Variants in ACER3 observed in about 807,000 individuals in gnomAD.
The protein encoded by ACER3 is alkaline ceramidase 3.
Under a neutral mutation model 48.9 loss-of-function variants are expected in ACER3, and 16 were observed. That is an observed-to-expected ratio of 0.33 (90% CI 0.22 to 0.50). The LOEUF (loss-of-function observed/expected upper bound fraction) is 0.50, where lower values mean the gene tolerates loss of function less well. Among genes scored for constraint, ACER3 ranks in the 20% least tolerant of loss-of-function variants. The pLI is 0.98. For missense variants in ACER3, 227 were observed against 326.0 expected (o/e 0.70, Z 2.34); for synonymous variants, 109 against 107.8 (o/e 1.01, Z -0.07).
chr11:76,937,764 T>C (rs1270286308), intron 2 of ACER3, among the ~76,000 whole-genome samples: 1 of 152,178 alleles, frequency 6.6e-6, no homozygotes, highest in African/African-American at 2.4e-5. Flanking sequence ...TGAGTATGTA[T>C]GTTTGTATTT....
intron 2 of ACER3, among the ~76,000 whole-genome samples, chr11:76,938,003 G>C (rs1947240860): frequency 6.6e-6 from 1 of 151,882 alleles, no homozygotes; most frequent in South Asian, 2.1e-4. Flanking sequence ...TTGTTTTTTG[G>C]GGTTGTTTGT....
chr11:76,873,147 T>C (rs1440286203), intron 1 of ACER3, among the ~76,000 whole-genome samples: 2 of 152,006 alleles, frequency 1.3e-5, no homozygotes, highest in Non-Finnish European at 2.9e-5. Context: ...CTCGAACTCC[T>C]GGCCTCAAGC....
At position 77,021,254 on chromosome 11, in the gene ACER3, T is replaced by G. The variant is rs1038288462; in HGVS notation, c.*927T>G. On this transcript the variant is annotated 3_prime_UTR_variant, in exon 11 of 11. Transcript: ENST00000532485. ...CAGTATTTTCCAGTTCTCAGAGAGG[T>G]CATGGTTGTGCCCAGGGAAGTGTGT... The G allele has an allele frequency of 1.3e-5, 2 of 152,206 alleles. No individual in the cohort carries two copies. Among genetic ancestry groups the G allele is most frequent in the Non-Finnish European group, 1.5e-5 (1 of 68,046 alleles). 9.4% of individuals were successfully genotyped at this position (152,206 alleles called of 1,614,324 possible).
intron 1 of ACER3, among the ~76,000 whole-genome samples, chr11:76,909,105 T>C (rs1946306265): frequency 6.6e-6 from 1 of 152,174 alleles, no homozygotes; most frequent in South Asian, 2.1e-4. Context: ...TCCTTACACC[T>C]TGTACAAAAA....
chr11:76,982,932 A>G (rs1458557214), intron 4 of ACER3, among the ~76,000 whole-genome samples: 1 of 152,070 alleles, frequency 6.6e-6, no homozygotes, highest in Non-Finnish European at 1.5e-5. Flanking sequence ...TTTTTTCTCA[A>G]TTCTGTTTTA....
intron 1 of ACER3, chr11:76,868,291 A>G (rs996904986): frequency 2.2e-5 from 28 of 1,275,308 alleles, no homozygotes; most frequent in Non-Finnish European, 2.8e-5. Flanking sequence ...CCTCCAAATT[A>G]TAACTCAAAA....
At chr11:76,891,188 A>C (rs1945794715) in intron 1 of ACER3, among the ~76,000 whole-genome samples, 1 of 151,234 alleles carries the variant, frequency 6.6e-6, no homozygotes, top group South Asian at 2.1e-4. Context: ...TATAGAATAC[A>C]AATGAATGAA....
At chr11:76,958,872 C>A in intron 2 of ACER3, 107 bp from the exon 3 acceptor site, 1 of 1,270,186 alleles carries the variant, frequency 7.9e-7, no homozygotes, top group Non-Finnish European at 1.1e-6. Flanking sequence ...ATTTTATAAA[C>A]TTCATTATCC....
At chr11:76,933,352 G>C (rs1590952025) in intron 2 of ACER3, among the ~76,000 whole-genome samples, 4 of 145,302 alleles carry the variant, frequency 2.8e-5, no homozygotes, top group Admixed American at 2.7e-4. Context: ...CAAGGTCATA[G>C]GACAATAGTG....
intron 2 of ACER3, among the ~76,000 whole-genome samples, chr11:76,932,146 C>T (rs1041748206): frequency 2.6e-5 from 4 of 152,088 alleles, no homozygotes; most frequent in African/African-American, 4.8e-5. Flanking sequence ...GACAGGATTT[C>T]GCCATGTTGC....
At chr11:76,991,398 A>C (rs1423966789) in intron 6 of ACER3, among the ~76,000 whole-genome samples, 1 of 152,242 alleles carries the variant, frequency 6.6e-6, no homozygotes, top group Non-Finnish European at 1.5e-5. Context: ...TTTACAATTC[A>C]AGCTATACAA....
intron 1 of ACER3, among the ~76,000 whole-genome samples, chr11:76,884,586 T>C (rs185587271): frequency 2.0e-5 from 3 of 152,314 alleles, no homozygotes; most frequent in African/African-American, 7.2e-5. Flanking sequence ...TTGCTTCATC[T>C]ATTAAACATT....
At chr11:76,973,614 G>A (rs80194848) in intron 3 of ACER3, among the ~76,000 whole-genome samples, 7,893 of 152,210 alleles carry the variant, frequency 0.052, 658 homozygotes, top group African/African-American at 0.18. Context: ...TACAGATGCC[G>A]AGTTCTAGCA....
chr11:76,881,232 A>G (rs962532922), intron 1 of ACER3, among the ~76,000 whole-genome samples: 1 of 148,314 alleles, frequency 6.7e-6, no homozygotes, highest in Admixed American at 6.8e-5. Flanking sequence ...TCCGGCCTGG[A>G]TGACAGAGTA....
chr11:76,920,141 C>G lies in ACER3; in HGVS notation c.104-6416C>G, dbSNP rs561898836. ...GCGCCAGCTCTTGCAGTCCAAGTGG[C>G]TTAATAGCTTCTGGCTCCTACAGTG... On this transcript the variant is annotated intron_variant, in intron 1 of 10. Transcript: ENST00000532485. Among the ~76,000 whole-genome samples, 111 of 152,294 alleles carry G rather than the reference C, an allele frequency of 7.3e-4. 1 individual carries two copies. The highest frequency in any genetic ancestry group is 2.6e-3 in the African/African-American group (107 of 41,554).
chr11:76,894,330 C>A (rs989649952), intron 1 of ACER3, among the ~76,000 whole-genome samples: 17 of 152,152 alleles, frequency 1.1e-4, no homozygotes, highest in Non-Finnish European at 2.1e-4. Context: ...TAGATAAATG[C>A]AGATACCATT....
intron 2 of ACER3, among the ~76,000 whole-genome samples, chr11:76,936,276 TG>T (rs1565187595): frequency 6.6e-6 from 1 of 152,164 alleles, no homozygotes; most frequent in Non-Finnish European, 1.5e-5. Flanking sequence ...AAACCTATAT[TG>T]GGGTTTAGTA....
At position 77,025,962 on chromosome 11, in the gene ACER3, A is replaced by G. The variant is rs1008858308; in HGVS notation, c.*5635A>G. 1 of 152,220 alleles carries G rather than the reference A, an allele frequency of 6.6e-6. No individual in the cohort carries two copies. Among genetic ancestry groups the G allele is most frequent in the African/African-American group, 2.4e-5 (1 of 41,456 alleles). 9.4% of individuals were successfully genotyped at this position (152,220 alleles called of 1,614,324 possible). A position where few individuals can be genotyped will look rare whatever the true frequency, so the allele number is the denominator to read the frequency against. On this transcript the variant is annotated 3_prime_UTR_variant, in exon 11 of 11. Transcript: ENST00000532485. ...ATCTCATGTCTTTGAATGTAATCAC[A>G]TGATTTGTATTTAATATTTACATGA...
chr11:76,926,743 T>G, intron 2 of ACER3, 76 bp downstream of exon 2: 1 of 983,560 alleles, frequency 1.0e-6, no homozygotes, highest in South Asian at 1.7e-5. Flanking sequence ...CTAAAAGCGG[T>G]TTTCAATTTT....
Sources: allele counts gnomAD v4.1 joint callset (sites outside exome capture counted in the v4.1 genomes callset), GRCh38; gene constraint gnomAD v4.1.1; transcripts MANE v1.5; gene names NCBI Gene and HGNC (gene_info 2026-07-23, HGNC 2026-07-21).